Variants in ABCF1 observed in about 807,000 individuals in gnomAD.
ABCF1 encodes ATP-binding cassette sub-family F member 1.
Under a neutral mutation model 126.3 loss-of-function variants are expected in ABCF1, and 73 were observed. The observed-to-expected ratio is 0.58, with a 90% confidence interval of 0.48 to 0.70. The LOEUF is 0.70. Ranked by LOEUF, ABCF1 falls within the 30% of genes least tolerant of loss-of-function variation. The probability of loss-of-function intolerance (pLI) is 0.00; values close to 1 mark genes in which losing one functional copy is unlikely to be tolerated. For missense variants in ABCF1, 786 were observed against 1,057.5 expected (o/e 0.74, Z 3.56); for synonymous variants, 345 against 396.4 (o/e 0.87, Z 1.54).
chr6:30,589,527 C>T (rs545870768), intron 20 of ABCF1, 161 bp from the exon 21 acceptor site: 14 of 764,746 alleles, frequency 1.8e-5, no homozygotes, highest in African/African-American at 1.6e-4. Flanking sequence ...GGCGTGAACC[C>T]GGAAGGTGGA....
chr6:30,586,375 A>C lies in ABCF1; in HGVS notation c.1885+70A>C. On this transcript the variant is annotated intron_variant, in intron 18 of 24. Coordinates refer to ENST00000326195, the MANE Select transcript of ABCF1 (RefSeq NM_001025091.2). This position sits in a 1 kb window ranked among gnomAD's most constrained non-coding sequence, Gnocchi z 4.9. ...CATGTATGTGCACCCTAAATTCTCC[A>C]CCAAGGCTGAGATTGCTCCTGTTCT... 6.2e-7 allele frequency: 1 copy of C among 1,603,454 alleles called. No individual in the cohort carries two copies. The highest frequency in any genetic ancestry group is 8.5e-7 in the Non-Finnish European group (1 of 1,173,530).
Position 30,584,531 on chromosome 6 carries a change from C to G in ABCF1, c.1356C>G (p.Phe452Leu). The G allele has an allele frequency of 1.4e-5, 22 of 1,611,400 alleles. No individual in the cohort carries two copies. Among genetic ancestry groups the G allele is most frequent in the Non-Finnish European group, 1.9e-5 (22 of 1,179,140 alleles). ...PEMQNRPTQK[F>L]SGGWRMRVSL... ...TGCAGAATCGACCCACACAGAAGTT[C>G]TCAGGGGGCTGGCGCATGCGTGTCT... The change falls in exon 14 of 25, where the codon TTC becomes TTG. Residue 452 changes from phenylalanine to leucine, a missense_variant. By Grantham distance (22) the Phe-to-Leu change is conservative. Coordinates refer to ENST00000326195, the MANE Select transcript of ABCF1 (RefSeq NM_001025091.2). The surrounding 1 kb of genome is among the most constrained non-coding windows in gnomAD (Gnocchi z 4.6).
chr6:30,587,774 AG>A (rs1341045583), intron 20 of ABCF1, among the ~76,000 whole-genome samples: 1 of 151,100 alleles, frequency 6.6e-6, no homozygotes, highest in African/African-American at 2.4e-5. Context: ...GCTTGAGTCC[AG>A]GGGGCAGAGG....
chr6:30,580,643 G>T, intron 8 of ABCF1, 124 bp downstream of exon 8: 1 of 604,354 alleles, frequency 1.7e-6, no homozygotes, highest in Non-Finnish European at 2.6e-6. Flanking sequence ...TCTTTTTTTG[G>T]GGGAGTAGTT....
Position 30,590,048 on chromosome 6 carries a change from G to A in ABCF1, c.2233+74G>A, listed in dbSNP as rs1046936304. 17 of 1,604,618 alleles carry A rather than the reference G, an allele frequency of 1.1e-5. No homozygotes were observed. In the African/African-American group the frequency reaches 1.7e-4, roughly 16 times the overall value. ...TCTACAAACTGTACCTAGAGGAACC[G>A]AGAATGAGGGAGCCTCAGCTCACAA... On this transcript the variant is annotated intron_variant, in intron 22 of 24. Transcript: ENST00000326195.
intron 1 of ABCF1, 107 bp from the exon 2 acceptor site, chr6:30,577,302 T>C (rs938646295): frequency 7.8e-6 from 8 of 1,030,794 alleles, no homozygotes; most frequent in Non-Finnish European, 1.1e-5. Context: ...ATAGTTAAGC[T>C]AGAAAAATAA....
chr6:30,580,814 C>T (rs1266360902), intron 8 of ABCF1, among the ~76,000 whole-genome samples: 1 of 152,050 alleles, frequency 6.6e-6, no homozygotes, highest in Non-Finnish European at 1.5e-5. Flanking sequence ...GCTGGGACTA[C>T]AAGTGTGCAC....
chr6:30,585,970 C>T lies in ABCF1; in HGVS notation c.1692C>T (p.Gly564=), dbSNP rs768952832. 2.7e-5 allele frequency: 44 copies of T among 1,610,178 alleles called. No individual in the cohort carries two copies. Among genetic ancestry groups the T allele is most frequent in the Non-Finnish European group, 3.6e-5 (43 of 1,178,114 alleles). The change falls in exon 17 of 25, where the codon GGC becomes GGT. Residue 564 remains glycine (G), a synonymous_variant. Coordinates refer to ENST00000326195, the MANE Select transcript of ABCF1 (RefSeq NM_001025091.2). Reference sequence around the variant, plus strand: ...AAAAGCTGAAGGAGCTGAAGGCAGGCGGGAAGTCCACCAAGCAGGCGGTGA... The same window carrying T: ...AAAAGCTGAAGGAGCTGAAGGCAGGTGGGAAGTCCACCAAGCAGGCGGTGA... ...QEKKLKELKA[G]GKSTKQAEKQ...
rs905927640 is a variant in ABCF1 at position 30,584,978 on chromosome 6, C to T, written c.1392-282C>T. 3.9e-5 allele frequency among the ~76,000 whole-genome samples: 6 copies of T among 152,082 alleles called. No homozygotes were observed. The highest frequency in any genetic ancestry group is 1.9e-4 in the East Asian group (1 of 5,196). On this transcript the variant is annotated intron_variant, in intron 14 of 24. Transcript: ENST00000326195. The surrounding 1 kb of genome is among the most constrained non-coding windows in gnomAD (Gnocchi z 4.6). ...AAGATCAGCTGGATATGGTGGCGCA[C>T]GCTGTGGTCACAGCTACTCTGGAGG...
rs540436129 is a variant in ABCF1 at position 30,589,462 on chromosome 6, G to T, written c.2032-226G>T. On this transcript the variant is annotated intron_variant, in intron 20 of 24. Coordinates refer to ENST00000326195, the MANE Select transcript of ABCF1 (RefSeq NM_001025091.2). ...ACTAAAAATACAAAAAATTAGCCGG[G>T]TGTGGTGGCAGGCACCTGTATTCCC... 122 of 590,130 alleles carry T rather than the reference G, an allele frequency of 2.1e-4. No homozygotes were observed. The East Asian group carries it at 3.5e-3, about 17-fold the overall frequency. 36.6% of individuals were successfully genotyped at this position (590,130 alleles called of 1,614,324 possible).
rs768503339 is a variant in ABCF1, at chr6:30,585,518, T to TTTC, written c.1476-40_1476-39insTTC. 37 of 1,612,398 alleles carry TTTC rather than the reference T, an allele frequency of 2.3e-5. 1 individual carries two copies. The Admixed American group carries it at 6.2e-4, about 27-fold the overall frequency. On this transcript the variant is annotated intron_variant, in intron 15 of 24. Transcript: ENST00000326195. Reference sequence around the variant, plus strand: ...TGCTTCCTCTGAATTCTCTCTCACTTGACCACTGTGACACTTACACCCTGT... The same window carrying TTTC: ...TGCTTCCTCTGAATTCTCTCTCACTTTTCGACCACTGTGACACTTACACCCTGT...
At position 30,578,520 on chromosome 6, in the gene ABCF1, G is replaced by A; in HGVS notation, c.432G>A (p.Glu144=). The change falls in exon 6 of 25, where the codon GAG becomes GAA. Residue 144 remains glutamate, a synonymous_variant. Transcript: ENST00000326195. ...ALIQDQSEEE[E]EEEKHPPKPA... is the part of the protein sequence containing the mutation. Reference sequence around the variant, plus strand: ...TTCAGGATCAGAGTGAGGAAGAGGAGGAGGAAGAAAAACATCCTCCTAAGC... The same window carrying A: ...TTCAGGATCAGAGTGAGGAAGAGGAAGAGGAAGAAAAACATCCTCCTAAGC... 1 of 1,613,936 alleles carries A rather than the reference G, an allele frequency of 6.2e-7. No individual in the cohort carries two copies.
At chr6:30,585,447 A>C (rs1020307283) in intron 15 of ABCF1, 104 bp downstream of exon 15, 1 of 1,577,054 alleles carries the variant, frequency 6.3e-7, no homozygotes, top group African/African-American at 1.4e-5. Context: ...CTGTGAGTGG[A>C]GCTCTATTCA....
Position 30,579,942 on chromosome 6 carries a change from G to C in ABCF1, c.501G>C (p.Glu167Asp). 6.2e-7 allele frequency: 1 copy of C among 1,612,916 alleles called. No homozygotes were observed. The highest frequency in any genetic ancestry group is 8.5e-7 in the Non-Finnish European group (1 of 1,179,952). Residue 167 changes from glutamate to aspartate, a missense_variant, in exon 7 of 25, where the codon GAG becomes GAC. By Grantham distance (45) the Glu-to-Asp change is conservative. Around this residue, in one of 4 missense-constraint regions of ABCF1, gnomAD observed 322 missense variants for 322.9 expected, o/e 1.00. Coordinates refer to ENST00000326195, the MANE Select transcript of ABCF1 (RefSeq NM_001025091.2). The part of the protein sequence containing the change: ...EKNRINKAVS[E>D]EQQPALKGKK... ...TGTGTCTCCTCCAGGCCGTATCTGA[G>C]GAACAGCAGCCTGCACTCAAGGGCA... is the stretch of plus-strand genomic sequence containing the variant.
intron 6 of ABCF1, among the ~76,000 whole-genome samples, chr6:30,579,261 C>G (rs1801677213): frequency 6.6e-6 from 1 of 152,054 alleles, no homozygotes; most frequent in Non-Finnish European, 1.5e-5. Flanking sequence ...TCTTCGCTAT[C>G]TAGTCTGAAG....
chr6:30,580,346 CA>C (rs4148250), intron 7 of ABCF1, 59 bp from the exon 8 acceptor site: 91,126 of 664,962 alleles, frequency 0.14, 4 homozygotes, highest in East Asian at 0.17. Context: ...GACTCCGTCT[CA>C]AAAAAAAAAA....
At chr6:30,571,599 AAG>A (rs1273965616) in intron 1 of ABCF1, 39 bp downstream of exon 1, 1 of 1,590,092 alleles carries the variant, frequency 6.3e-7, no homozygotes, top group South Asian at 1.1e-5. Context: ...GCAGAGGGGG[AAG>A]AGAGAGGAGA....
rs199863167 is a variant in ABCF1 at position 30,578,176 on chromosome 6, T to G, written c.317T>G (p.Val106Gly). Residue 106 changes from valine (V) to glycine (G), a missense_variant, in exon 4 of 25, where the codon GTG (valine) becomes GGG (glycine). Physicochemically the swap from Val to Gly is moderately radical, Grantham distance 109 (BLOSUM62 -3). This residue lies in a region of ABCF1 where 322 missense variants were observed against 322.9 expected (regional missense o/e 1.00). Coordinates refer to ENST00000326195, the MANE Select transcript of ABCF1 (RefSeq NM_001025091.2). ...ELMERLKKLS[V>G]PTSDEEDEVP... ...ATGGAGCGTCTTAAGAAGCTCTCAG[T>G]GCCAACCAGTGATGAGGAGGATGAA... The G allele has an allele frequency of 5.3e-5, 85 of 1,613,818 alleles. No individual in the cohort carries two copies. Among genetic ancestry groups the G allele is most frequent in the Non-Finnish European group, 1.0e-5 (12 of 1,179,988 alleles).
intron 1 of ABCF1, among the ~76,000 whole-genome samples, chr6:30,575,564 G>C (rs144574487): frequency 6.6e-6 from 1 of 151,822 alleles, no homozygotes; most frequent in Non-Finnish European, 1.5e-5. Flanking sequence ...GAGGGGGAGA[G>C]CTAGAATCTG....
Sources: allele counts gnomAD v4.1 joint callset (sites outside exome capture counted in the v4.1 genomes callset), GRCh38; gene constraint gnomAD v4.1.1; regional missense constraint gnomAD v4.1.1; non-coding constraint Gnocchi (gnomAD v3.1); transcripts MANE v1.5; gene names NCBI Gene and HGNC (gene_info 2026-07-23, HGNC 2026-07-21).